Variants in DACT2 observed in about 807,000 individuals in gnomAD.
The protein encoded by DACT2 is dishevelled binding antagonist of beta catenin 2.
Under a neutral mutation model 22.2 loss-of-function variants are expected in DACT2, and 20 were observed. The observed-to-expected ratio is 0.90, with a 90% confidence interval of 0.63 to 1.31. DACT2 has a LOEUF of 1.31. Ranked by LOEUF, DACT2 falls within the 50% of genes most tolerant of loss-of-function variation. The pLI, the probability that DACT2 is intolerant of heterozygous loss-of-function variation, is 0.00. For synonymous variants in DACT2, 463 were observed against 479.8 expected, an observed-to-expected ratio of 0.96 and a Z score of 0.46; for missense variants, 1,048 against 1,061.4, an observed-to-expected ratio of 0.99 and a Z score of 0.18.
chr6:168,307,632 G>C lies in DACT2; in HGVS notation c.2125C>G (p.Gln709Glu). 1 of 1,547,558 alleles carries C rather than the reference G, an allele frequency of 6.5e-7. No individual in the cohort carries two copies. Among genetic ancestry groups the C allele is most frequent in the Non-Finnish European group, 8.7e-7 (1 of 1,144,412 alleles). Reference sequence around the variant, plus strand: ...AGTGCCAGGTCACAGTCCCTGCTCTGGGCGCCGCCCTCCTCGTCGCTGCTG... The same window carrying C: ...AGTGCCAGGTCACAGTCCCTGCTCTCGGCGCCGCCCTCCTCGTCGCTGCTG... ...SSSSDEEGGA[Q>E]SRDCDLALGY... is the part of the protein sequence containing the mutation. Residue 709 changes from glutamine (Q) to glutamate (E), a missense_variant, in exon 4 of 4, where the codon CAG (glutamine) becomes GAG (glutamate). Transcript: ENST00000366795. This position sits in a 1 kb window ranked among gnomAD's most constrained non-coding sequence, Gnocchi z 5.3.
At chr6:168,293,918 T>C (rs767870830) in exon 6 of DACT2, 26 of 703,340 alleles carry the variant, frequency 3.7e-5, no homozygotes, top group Non-Finnish European at 6.2e-5. Flanking sequence ...AAATTCCTGA[T>C]GATTTTGTCT....
chr6:168,303,815 G>A (rs930173442), downstream of DACT2, among the ~76,000 whole-genome samples: 1 of 152,128 alleles, frequency 6.6e-6, no homozygotes, highest in African/African-American at 2.4e-5. Flanking sequence ...CGTATGATTT[G>A]CTAAAGTAGG....
In DACT2 at chr6:168,307,030, G is replaced by A. The variant is rs377461709; in HGVS notation, c.*402C>T. ...ATTTCCAGCTCAGAGTCCTGCAACC[G>A]CCTCTTTAAAATGCTTTTGGGGAGG... On this transcript the variant is annotated 3_prime_UTR_variant, in exon 4 of 4. Coordinates refer to ENST00000366795, the MANE Select transcript of DACT2 (RefSeq NM_214462.5). This position sits in a 1 kb window ranked among gnomAD's most constrained non-coding sequence, Gnocchi z 5.3. 24 of 1,012,286 alleles carry A rather than the reference G, an allele frequency of 2.4e-5. No individual in the cohort carries two copies. Among genetic ancestry groups the A allele is most frequent in the African/African-American group, 8.6e-5 (5 of 58,110 alleles). 62.7% of individuals were successfully genotyped at this position (1,012,286 alleles called of 1,614,324 possible). A position where few individuals can be genotyped will look rare whatever the true frequency, so the allele number is the denominator to read the frequency against.
In DACT2 at chr6:168,307,726, G is replaced by A; in HGVS notation, c.2031C>T (p.Val677=). ...SAECDPRFPS[V]IPETSEGESS... ...ACTCTCCCTCGCTGGTCTCCGGGAT[G>A]ACTGACGGGAACCGCGGGTCACACT... The change falls in exon 4 of 4, where the codon GTC becomes GTT. Residue 677 remains valine (V), a synonymous_variant. Coordinates refer to ENST00000366795, the MANE Select transcript of DACT2 (RefSeq NM_214462.5). The surrounding 1 kb of genome is among the most constrained non-coding windows in gnomAD (Gnocchi z 5.3). 1 of 1,549,692 alleles carries A rather than the reference G, an allele frequency of 6.5e-7. No individual in the cohort carries two copies.
chr6:168,303,793 C>T (rs1330990314), downstream of DACT2, among the ~76,000 whole-genome samples: 4 of 152,124 alleles, frequency 2.6e-5, no homozygotes, highest in Non-Finnish European at 5.9e-5. Context: ...GCTCTGTTTT[C>T]TTCAATGATA....
downstream of DACT2, among the ~76,000 whole-genome samples, chr6:168,304,500 C>T (rs1779164503): frequency 1.3e-5 from 2 of 152,198 alleles, no homozygotes; most frequent in Admixed American, 1.3e-4. Flanking sequence ...AAGCATTTCC[C>T]CAGGCTGCTA....
At chr6:168,300,927 A>G (rs183116500) in intron 3 of DACT2, among the ~76,000 whole-genome samples, 1 of 152,218 alleles carries the variant, frequency 6.6e-6, no homozygotes, top group Non-Finnish European at 1.5e-5. Context: ...CGGAGGTTGC[A>G]GTGAGCTGAG....
chr6:168,294,600 T>C (rs891831735), intron 4 of DACT2: 9 of 787,234 alleles, frequency 1.1e-5, no homozygotes, highest in South Asian at 4.8e-5. Context: ...TATATATATA[T>C]ATACACATAT....
downstream of DACT2, among the ~76,000 whole-genome samples, chr6:168,305,232 G>T (rs1307974349): frequency 6.6e-6 from 1 of 152,156 alleles, no homozygotes; most frequent in Non-Finnish European, 1.5e-5. Flanking sequence ...GAGTCTGCAT[G>T]GTTCTCCTGG....
In DACT2 at chr6:168,307,154, G is replaced by T; in HGVS notation, c.*278C>A. 3 of 1,263,820 alleles carry T rather than the reference G, an allele frequency of 2.4e-6. No homozygotes were observed. Among genetic ancestry groups the T allele is most frequent in the Non-Finnish European group, 3.0e-6 (3 of 1,002,926 alleles). The allele number at this position is 1,263,820 out of a possible 1,614,324, so 78.3% of individuals were successfully genotyped here. ...AACATGGAAACAAGGTGCATGCCGGGAAGCAGCATCCTGGGCAGACCTTGA... is the reference window on the plus strand; with the variant it reads ...AACATGGAAACAAGGTGCATGCCGGTAAGCAGCATCCTGGGCAGACCTTGA... On this transcript the variant is annotated 3_prime_UTR_variant, in exon 4 of 4. Transcript: ENST00000366795. The surrounding 1 kb of genome is among the most constrained non-coding windows in gnomAD (Gnocchi z 5.3).
intron 3 of DACT2, among the ~76,000 whole-genome samples, chr6:168,295,535 T>C (rs1057198194): frequency 3.3e-5 from 5 of 152,152 alleles, no homozygotes; most frequent in East Asian, 1.9e-4. Flanking sequence ...AGAAAAGGCA[T>C]ATAGGGATAC....
intron 3 of DACT2, 64 bp downstream of exon 3, chr6:168,310,104 G>A: frequency 1.3e-6 from 2 of 1,534,882 alleles, no homozygotes; most frequent in Non-Finnish European, 1.8e-6. Flanking sequence ...CAGCAGCTGG[G>A]GACTGCACTC....
chr6:168,301,901 T>G (rs1779118416), intron 3 of DACT2, among the ~76,000 whole-genome samples: 1 of 152,224 alleles, frequency 6.6e-6, no homozygotes, highest in Non-Finnish European at 1.5e-5. Context: ...AGTCCACACC[T>G]GGTGACTGTC....
In DACT2 at chr6:168,319,376, C is replaced by T. The variant is rs1779589282; in HGVS notation, c.246+12G>A. On this transcript the variant is annotated intron_variant, in intron 1 of 3. Transcript: ENST00000366795. The stretch of plus-strand genomic sequence containing the variant: ...CACCTCGCAGCCCCGAGTCCCGGCG[C>T]CCGGTCCTTACCAGCTGCTCCTGCA... 8.3e-7 allele frequency: 1 copy of T among 1,198,952 alleles called. No homozygotes were observed. Among genetic ancestry groups the T allele is most frequent in the Non-Finnish European group, 1.0e-6 (1 of 966,882 alleles). The allele number at this position is 1,198,952 out of a possible 1,614,324, so 74.3% of individuals were successfully genotyped here.
At position 168,307,029 on chromosome 6, in the gene DACT2, C is replaced by T. The variant is rs761352174; in HGVS notation, c.*403G>A. The T allele has an allele frequency of 7.1e-5, 72 of 1,012,842 alleles. No individual in the cohort carries two copies. The highest frequency in any genetic ancestry group is 4.9e-4 in the Middle Eastern group (1 of 2,028). 62.7% of individuals were successfully genotyped at this position (1,012,842 alleles called of 1,614,324 possible). On this transcript the variant is annotated 3_prime_UTR_variant, in exon 4 of 4. Coordinates refer to ENST00000366795, the MANE Select transcript of DACT2 (RefSeq NM_214462.5). The surrounding 1 kb of genome is among the most constrained non-coding windows in gnomAD (Gnocchi z 5.3). ...AATTTCCAGCTCAGAGTCCTGCAAC[C>T]GCCTCTTTAAAATGCTTTTGGGGAG...
At chr6:168,311,817 C>T (rs572309547) in intron 1 of DACT2, among the ~76,000 whole-genome samples, 38 of 152,182 alleles carry the variant, frequency 2.5e-4, no homozygotes, top group Non-Finnish European at 4.7e-4. Flanking sequence ...AAAAACAACA[C>T]CTCCTTTTGG....
chr6:168,317,998 CGTCTGTGGCTGTCGTGTGCT>C (rs1779555373), intron 1 of DACT2, among the ~76,000 whole-genome samples: 1 of 120,558 alleles, frequency 8.3e-6, no homozygotes, highest in Non-Finnish European at 2.0e-5. Context: ...GTGTGTAACA[CGTCTGTGGCTGTCGTGTGCT>C]GAGCTGAGGT....
exon 4 of DACT2, chr6:168,294,652 G>A (rs1182347783): frequency 6.8e-7 from 1 of 1,478,882 alleles, no homozygotes; most frequent in Non-Finnish European, 8.9e-7. Flanking sequence ...AACTGGAGGT[G>A]CAGCCTGCAG....
downstream of DACT2, among the ~76,000 whole-genome samples, chr6:168,303,449 C>T (rs1779145835): frequency 6.6e-6 from 1 of 152,272 alleles, no homozygotes; most frequent in African/African-American, 2.4e-5. Context: ...CCCGAGAGAG[C>T]AGGTGATTAA....
Sources: allele counts gnomAD v4.1 joint callset (sites outside exome capture counted in the v4.1 genomes callset), GRCh38; gene constraint gnomAD v4.1.1; non-coding constraint Gnocchi (gnomAD v3.1); transcripts MANE v1.5; gene names NCBI Gene and HGNC (gene_info 2026-07-23, HGNC 2026-07-21).